The following AUTS2 variants were observed in gnomAD, a reference collection of about 807,000 sequenced individuals.
AUTS2 encodes the protein autism susceptibility gene 2 protein.
A neutral mutation model predicts 112.4 loss-of-function variants in AUTS2; 17 were observed. That is an observed-to-expected ratio of 0.15 (90% CI 0.10 to 0.23). The LOEUF (loss-of-function observed/expected upper bound fraction) is 0.23. Among genes scored for constraint, AUTS2 ranks in the 10% least tolerant of loss-of-function variants. AUTS2 has a pLI of 1.00. For missense variants in AUTS2, 1,510 were observed against 1,701.6 expected (o/e 0.89, Z 1.98); for synonymous variants, 751 against 702.7 (o/e 1.07, Z -1.09).
At position 70,791,748 on chromosome 7, in the gene AUTS2, G is replaced by T. The variant is rs1048515832; in HGVS notation, c.*752G>T. 1 of 151,972 alleles carries T rather than the reference G, an allele frequency of 6.6e-6. No individual in the cohort carries two copies. Among genetic ancestry groups the T allele is most frequent in the Non-Finnish European group, 1.5e-5 (1 of 67,982 alleles). 9.4% of individuals were successfully genotyped at this position (151,972 alleles called of 1,614,324 possible). On this transcript the variant is annotated 3_prime_UTR_variant, in exon 19 of 19. Coordinates refer to ENST00000342771, the MANE Select transcript of AUTS2 (RefSeq NM_015570.4). Reference sequence around the variant, plus strand: ...TTTCCTTGCTTGTTTTTTTTCAAACGGAGAAACATCCTGTTTTGCAAATTG... The same window carrying T: ...TTTCCTTGCTTGTTTTTTTTCAAACTGAGAAACATCCTGTTTTGCAAATTG...
intron 4 of AUTS2, among the ~76,000 whole-genome samples, chr7:70,388,359 A>C (rs1312507383): frequency 1.3e-5 from 2 of 152,184 alleles, no homozygotes; most frequent in African/African-American, 2.4e-5. Flanking sequence ...GTGACTGCTG[A>C]TAAAGTATCT....
At chr7:70,019,858 A>T (rs1800195820) in intron 2 of AUTS2, among the ~76,000 whole-genome samples, 1 of 152,224 alleles carries the variant, frequency 6.6e-6, no homozygotes, top group Non-Finnish European at 1.5e-5. Context: ...TTAGGGAATG[A>T]TAAATGTAAT....
intron 4 of AUTS2, among the ~76,000 whole-genome samples, chr7:70,300,989 C>G (rs1789185066): frequency 6.6e-6 from 1 of 152,210 alleles, no homozygotes. Context: ...AGTAGGTCTT[C>G]TTCCTTCATT....
intron 6 of AUTS2, among the ~76,000 whole-genome samples, chr7:70,740,856 G>A (rs1788062495): frequency 6.6e-6 from 1 of 152,122 alleles, no homozygotes; most frequent in Non-Finnish European, 1.5e-5. Flanking sequence ...CACTTAGGGA[G>A]GCCAAGGCAG....
intron 4 of AUTS2, among the ~76,000 whole-genome samples, chr7:70,236,279 T>G (rs1812322089): frequency 6.6e-6 from 1 of 152,202 alleles, no homozygotes; most frequent in Non-Finnish European, 1.5e-5. Context: ...TTGTTTTCTT[T>G]TGGGTATTCA....
Position 70,790,306 on chromosome 7 carries a change from C to A in AUTS2, c.3090C>A (p.Gly1030=). 6.2e-7 allele frequency: 1 copy of A among 1,613,648 alleles called. No homozygotes were observed. The highest frequency in any genetic ancestry group is 1.6e-4 in the Middle Eastern group (1 of 6,062). The stretch of plus-strand genomic sequence containing the variant: ...TGCCCATGACGGTGGGGGTGACGGG[C>A]ATTCACCCCATGAACAGCATCAGCA... The part of the protein sequence containing the change: ...ASMPMTVGVT[G]IHPMNSISSL... The change falls in exon 19 of 19, where the codon GGC becomes GGA. Residue 1030 remains glycine, a synonymous_variant. Coordinates refer to ENST00000342771, the MANE Select transcript of AUTS2 (RefSeq NM_015570.4). The surrounding 1 kb of genome is among the most constrained non-coding windows in gnomAD (Gnocchi z 7.6).
intron 1 of AUTS2, among the ~76,000 whole-genome samples, chr7:69,723,762 G>A (rs1344980074): frequency 6.6e-6 from 1 of 152,170 alleles, no homozygotes; most frequent in Non-Finnish European, 1.5e-5. Context: ...TGCTAGAAAT[G>A]ATTCATTGGG....
intron 4 of AUTS2, among the ~76,000 whole-genome samples, chr7:70,298,884 C>A (rs1187889074): frequency 6.6e-6 from 1 of 152,220 alleles, no homozygotes; most frequent in Non-Finnish European, 1.5e-5. Context: ...AGCCAGACAG[C>A]TCCACGTTGC....
At chr7:69,719,892 G>A (rs1212386248) in intron 1 of AUTS2, among the ~76,000 whole-genome samples, 1 of 152,114 alleles carries the variant, frequency 6.6e-6, no homozygotes, top group African/African-American at 2.4e-5. Flanking sequence ...AATAGCAAGT[G>A]GAGTGACAGT....
At chr7:70,068,023 T>G (rs1802574743) in intron 2 of AUTS2, among the ~76,000 whole-genome samples, 1 of 152,094 alleles carries the variant, frequency 6.6e-6, no homozygotes, top group African/African-American at 2.4e-5. Context: ...ATATCTTAAT[T>G]TTACTAAAAA....
intron 2 of AUTS2, among the ~76,000 whole-genome samples, chr7:69,940,179 G>A (rs1360591844): frequency 1.3e-5 from 2 of 152,136 alleles, no homozygotes; most frequent in African/African-American, 4.8e-5. Context: ...ATTTGAACCT[G>A]GGCAGGCAGT....
In AUTS2 at chr7:70,763,223, T is replaced by C; in HGVS notation, c.1096T>C (p.Ser366Pro). ...GGTGCAGAGGCCACCCAGGCCACAGTCCCCCACCCAGCTGCTCCATCAGAA... is the reference window on the plus strand; with the variant it reads ...GGTGCAGAGGCCACCCAGGCCACAGCCCCCCACCCAGCTGCTCCATCAGAA... ...PQVQRPPRPQSPTQLLHQNLP... is the reference protein window; with the variant it reads ...PQVQRPPRPQPPTQLLHQNLP... The change falls in exon 7 of 19, where the codon TCC becomes CCC. Residue 366 changes from serine (S) to proline (P), a missense_variant. Ser to Pro is a moderately conservative substitution (Grantham distance 74). Coordinates refer to ENST00000342771, the MANE Select transcript of AUTS2 (RefSeq NM_015570.4). 1 of 1,613,800 alleles carries C rather than the reference T, an allele frequency of 6.2e-7. No individual in the cohort carries two copies. The highest frequency in any genetic ancestry group is 8.5e-7 in the Non-Finnish European group (1 of 1,179,926).
intron 5 of AUTS2, among the ~76,000 whole-genome samples, chr7:70,471,953 G>A (rs893067029): frequency 5.9e-5 from 9 of 152,110 alleles, no homozygotes; most frequent in African/African-American, 2.2e-4. Flanking sequence ...GGGAGAGCCA[G>A]AGCACTGGGA....
At chr7:70,781,023 T>C (rs1317901060) in intron 14 of AUTS2, among the ~76,000 whole-genome samples, 1 of 152,096 alleles carries the variant, frequency 6.6e-6, no homozygotes, top group Non-Finnish European at 1.5e-5. Context: ...GGTGGCAGTC[T>C]CCATAAATAG....
intron 1 of AUTS2, among the ~76,000 whole-genome samples, chr7:69,896,280 T>C (rs915517290): frequency 1.3e-5 from 2 of 152,214 alleles, no homozygotes; most frequent in Non-Finnish European, 2.9e-5. Flanking sequence ...AATGGCCATG[T>C]GCGCTTGCTT....
Position 70,790,034 on chromosome 7 carries a change from C to T in AUTS2, c.2818C>T (p.Pro940Ser). 6.3e-7 allele frequency: 1 copy of T among 1,584,892 alleles called. No homozygotes were observed. The highest frequency in any genetic ancestry group is 8.6e-7 in the Non-Finnish European group (1 of 1,166,574). Reference sequence around the variant, plus strand: ...AGAGGCCAAGCAGCTGGCCCGGGTGCCGTCTCCCTACGTGCGGACCCCGGT... The same window carrying T: ...AGAGGCCAAGCAGCTGGCCCGGGTGTCGTCTCCCTACGTGCGGACCCCGGT... ...GEEAKQLARV[P>S]SPYVRTPVVE... The change falls in exon 19 of 19, where the codon CCG (proline) becomes TCG (serine). Residue 940 changes from proline (P) to serine (S), a missense_variant. Coordinates refer to ENST00000342771, the MANE Select transcript of AUTS2 (RefSeq NM_015570.4). The surrounding 1 kb of genome is among the most constrained non-coding windows in gnomAD (Gnocchi z 7.6).
intron 1 of AUTS2, among the ~76,000 whole-genome samples, chr7:69,667,131 G>A (rs1172842478): frequency 6.6e-6 from 1 of 152,104 alleles, no homozygotes; most frequent in African/African-American, 2.4e-5. Context: ...GTGCAAGGGG[G>A]CTGAACATCT....
At chr7:70,071,166 T>TC (rs1802749552) in intron 2 of AUTS2, among the ~76,000 whole-genome samples, 2 of 152,202 alleles carry the variant, frequency 1.3e-5, no homozygotes. Context: ...AACACTACTT[T>TC]AGGAATCTTA....
At chr7:70,625,962 G>A (rs1438949737) in intron 5 of AUTS2, among the ~76,000 whole-genome samples, 1 of 151,816 alleles carries the variant, frequency 6.6e-6, no homozygotes, top group Non-Finnish European at 1.5e-5. Flanking sequence ...ACCTAGGCTG[G>A]AGTGCAGTGA....
Sources: gnomAD v4.1 joint callset for allele counts (sites outside exome capture counted in the v4.1 genomes callset) on GRCh38, gnomAD v4.1.1 for gene constraint, Gnocchi (gnomAD v3.1) non-coding constraint, MANE v1.5 for transcripts, NCBI Gene and HGNC (gene_info 2026-07-23, HGNC 2026-07-21) for gene names.